The following PYROXD2 variants were observed in gnomAD, a reference collection of about 807,000 sequenced individuals.
PYROXD2 encodes pyridine nucleotide-disulfide oxidoreductase domain-containing protein 2.
Under a neutral mutation model 71.1 loss-of-function variants are expected in PYROXD2, and 69 were observed. The observed-to-expected ratio is 0.97, with a 90% CI of 0.80 to 1.19. PYROXD2 has a LOEUF of 1.19. PYROXD2 is among the 50% of genes most tolerant of loss of function. The probability of loss-of-function intolerance (pLI) is 0.00; values close to 1 mark genes in which losing one functional copy is unlikely to be tolerated. For missense variants in PYROXD2, 745 were observed against 748.9 expected (o/e 0.99, Z 0.06); for synonymous variants, 287 against 302.7 (o/e 0.95, Z 0.54).
intron 15 of PYROXD2, 31 bp from the exon 16 acceptor site, chr10:98,383,899 C>A (rs374587994): frequency 1.2e-5 from 20 of 1,609,388 alleles, no homozygotes; most frequent in Non-Finnish European, 1.6e-5. Context: ...AACCAAAGCT[C>A]CGCTCAAAAA....
At chr10:98,413,606 C>T (rs1244745330) in intron 1 of PYROXD2, among the ~76,000 whole-genome samples, 2 of 151,938 alleles carry the variant, frequency 1.3e-5, no homozygotes, top group East Asian at 1.9e-4. Flanking sequence ...CCCAGCTACT[C>T]GGGAGGCTGA....
chr10:98,411,345 T>C (rs1158491099), intron 1 of PYROXD2: 6 of 261,858 alleles, frequency 2.3e-5, no homozygotes, highest in Non-Finnish European at 2.9e-5. Context: ...GCTGGCATGC[T>C]GCTGCGCCAA....
chr10:98,410,334 T>C lies in PYROXD2; in HGVS notation c.147+605A>G, dbSNP rs187809464. Among the ~76,000 whole-genome samples the C allele has an allele frequency of 1.0e-3, 153 of 152,326 alleles. 1 individual carries two copies. Among genetic ancestry groups the C allele is most frequent in the Non-Finnish European group, 5.7e-4 (39 of 68,026 alleles). ...TGTGGCCTCCTGGAGGTATCTGGAC[T>C]CAGGTTACAGAAGCATAAGCTAAGG... On this transcript the variant is annotated intron_variant, in intron 2 of 15. Coordinates refer to ENST00000370575, the MANE Select transcript of PYROXD2 (RefSeq NM_032709.3).
intron 1 of PYROXD2, among the ~76,000 whole-genome samples, chr10:98,413,585 G>A (rs545988320): frequency 6.6e-6 from 1 of 151,990 alleles, no homozygotes; most frequent in South Asian, 2.1e-4. Context: ...GTGGTGGTGG[G>A]CGCCTGTAGT....
At chr10:98,401,484 A>T (rs1197715587) in intron 4 of PYROXD2, among the ~76,000 whole-genome samples, 2 of 151,998 alleles carry the variant, frequency 1.3e-5, no homozygotes, top group African/African-American at 2.4e-5. Flanking sequence ...TTATTAAAAA[A>T]TTTTCTTCAG....
intron 15 of PYROXD2, 144 bp downstream of exon 15, chr10:98,384,803 G>T (rs1842697482): frequency 7.9e-7 from 1 of 1,258,648 alleles, no homozygotes; most frequent in African/African-American, 1.5e-5. Flanking sequence ...GGATAATTCT[G>T]AACACAGGGC....
At chr10:98,400,316 T>G (rs373176200) in intron 4 of PYROXD2, 59 bp from the exon 5 acceptor site, 1 of 1,507,540 alleles carries the variant, frequency 6.6e-7, no homozygotes, top group African/African-American at 1.4e-5. Flanking sequence ...CTGCCCATCA[T>G]CTTTCTCCGA....
At position 98,393,010 on chromosome 10, in the gene PYROXD2, T is replaced by G. The variant is rs768812481; in HGVS notation, c.859A>C (p.Met287Leu). 4 of 1,613,290 alleles carry G rather than the reference T, an allele frequency of 2.5e-6. No individual in the cohort carries two copies. The Admixed American group carries it at 6.7e-5, about 27-fold the overall frequency. Residue 287 changes from methionine to leucine, a missense_variant, in exon 9 of 16, where the codon ATG becomes CTG. By Grantham distance (15) the Met-to-Leu change is conservative. Coordinates refer to ENST00000370575, the MANE Select transcript of PYROXD2 (RefSeq NM_032709.3). ...GCGATCGCATCAGAGAGGGCACCCA[T>G]GCCCCCCTGGACGTAGCCCCAGGCC... The part of the protein sequence containing the change: ...QGAWGYVQGG[M>L]GALSDAIASS...
At position 98,415,031 on chromosome 10, in the gene PYROXD2, A is replaced by G. The variant is rs201997380; in HGVS notation, c.105T>C (p.Tyr35=). 6.2e-7 allele frequency: 1 copy of G among 1,613,502 alleles called. No individual in the cohort carries two copies. The highest frequency in any genetic ancestry group is 2.2e-5 in the East Asian group (1 of 44,846). The change falls in exon 1 of 16, where the codon TAT becomes TAC. Residue 35 remains tyrosine, a synonymous_variant. Transcript: ENST00000370575. The part of the protein sequence containing the change: ...TEARGGLKPE[Y]DAVVIGAGHN... ...TACCTGCTCCTATCACCACCGCATCATACTCAGGCTTCAGACCTCCCCTGG... is the reference window on the plus strand; with the variant it reads ...TACCTGCTCCTATCACCACCGCATCGTACTCAGGCTTCAGACCTCCCCTGG...
chr10:98,392,918 G>T (rs1391039467), intron 9 of PYROXD2, 24 bp downstream of exon 9: 1 of 1,609,594 alleles, frequency 6.2e-7, no homozygotes, highest in Admixed American at 1.7e-5. Flanking sequence ...CTAATAATTG[G>T]GGTGGGGTAG....
At chr10:98,392,386 T>G in intron 10 of PYROXD2, 46 bp downstream of exon 10, 4 of 1,597,726 alleles carry the variant, frequency 2.5e-6, no homozygotes, top group Non-Finnish European at 3.4e-6. Context: ...TTCTAACCCC[T>G]GTTTTGGCAG....
intron 4 of PYROXD2, among the ~76,000 whole-genome samples, chr10:98,406,423 G>A (rs911394604): frequency 6.6e-6 from 1 of 152,166 alleles, no homozygotes; most frequent in African/African-American, 2.4e-5. Context: ...CTGGACTGGA[G>A]ACCAGCGACC....
chr10:98,404,542 C>CT (rs777228805), intron 4 of PYROXD2, among the ~76,000 whole-genome samples: 1 of 152,034 alleles, frequency 6.6e-6, no homozygotes, highest in African/African-American at 2.4e-5. Context: ...GATTATGAAG[C>CT]TTTTTTCTTA....
intron 12 of PYROXD2, among the ~76,000 whole-genome samples, chr10:98,390,135 G>A (rs374885857): frequency 2.1e-4 from 32 of 152,264 alleles, no homozygotes; most frequent in Non-Finnish European, 4.0e-4. Flanking sequence ...CTCCTATAGC[G>A]CCCCTGCCTG....
chr10:98,405,792 G>A (rs1048632004), intron 4 of PYROXD2, among the ~76,000 whole-genome samples: 13 of 152,196 alleles, frequency 8.5e-5, no homozygotes, highest in African/African-American at 2.2e-4. Context: ...AGGCCTGAGC[G>A]CATCATAGCT....
At chr10:98,389,043 G>A (rs1842858347) in intron 12 of PYROXD2, among the ~76,000 whole-genome samples, 1 of 152,032 alleles carries the variant, frequency 6.6e-6, no homozygotes, top group Admixed American at 6.5e-5. Context: ...CCAAATATGA[G>A]TCTCCTTCAA....
At position 98,398,131 on chromosome 10, in the gene PYROXD2, C is replaced by T. The variant is rs189025438; in HGVS notation, c.472-633G>A. ...CTTCTGACCTCAAGTGATCCGCCTGCCTCGGCCTCTCAAAGTGCTGGGATT... is the reference window on the plus strand; with the variant it reads ...CTTCTGACCTCAAGTGATCCGCCTGTCTCGGCCTCTCAAAGTGCTGGGATT... On this transcript the variant is annotated intron_variant, in intron 5 of 15. Transcript: ENST00000370575. Among the ~76,000 whole-genome samples the T allele has an allele frequency of 2.3e-3, 343 of 152,300 alleles. 1 individual carries two copies. The highest frequency in any genetic ancestry group is 2.2e-3 in the Non-Finnish European group (147 of 68,018).
Position 98,392,981 on chromosome 10 carries a change from G to A in PYROXD2, c.888C>T (p.Ser296=), listed in dbSNP as rs752123590. 1 of 1,613,800 alleles carries A rather than the reference G, an allele frequency of 6.2e-7. No homozygotes were observed. Among genetic ancestry groups the A allele is most frequent in the Non-Finnish European group, 8.5e-7 (1 of 1,179,858 alleles). The change falls in exon 9 of 16, where the codon AGC becomes AGT. Residue 296 remains serine (S), a synonymous_variant. Transcript: ENST00000370575. ...TGCTTGCTCCATGTGTGGTGGCTGAGCTTGCGATCGCATCAGAGAGGGCAC... is the reference window on the plus strand; with the variant it reads ...TGCTTGCTCCATGTGTGGTGGCTGAACTTGCGATCGCATCAGAGAGGGCAC... ...GMGALSDAIA[S]SATTHGASIF... is the part of the protein sequence containing the mutation.
In PYROXD2 at chr10:98,383,628, A is replaced by G; in HGVS notation, c.*170T>C. Reference sequence around the variant, plus strand: ...AGTCCATGTATGGAGGCATGGGCATAAGGTCAACTTGCACTAAATGTAACT... The same window carrying G: ...AGTCCATGTATGGAGGCATGGGCATGAGGTCAACTTGCACTAAATGTAACT... On this transcript the variant is annotated 3_prime_UTR_variant, in exon 16 of 16. Coordinates refer to ENST00000370575, the MANE Select transcript of PYROXD2 (RefSeq NM_032709.3). 1.5e-6 allele frequency: 1 copy of G among 679,916 alleles called. No individual in the cohort carries two copies. Among genetic ancestry groups the G allele is most frequent in the South Asian group, 1.7e-5 (1 of 57,332 alleles). The allele number at this position is 679,916 out of a possible 1,614,324, so 42.1% of individuals were successfully genotyped here. A position where few individuals can be genotyped will look rare whatever the true frequency, so the allele number is the denominator to read the frequency against.
Sources: allele counts gnomAD v4.1 joint callset (sites outside exome capture counted in the v4.1 genomes callset), GRCh38; gene constraint gnomAD v4.1.1; transcripts MANE v1.5; gene names NCBI Gene and HGNC (gene_info 2026-07-23, HGNC 2026-07-21).